Variants in RBFOX1 observed in about 807,000 individuals in gnomAD.
RBFOX1 encodes the protein RNA binding fox-1 homolog 1.
Under a neutral mutation model 57.7 loss-of-function variants are expected in RBFOX1, and 8 were observed. The observed-to-expected ratio is 0.14, with a 90% CI of 0.08 to 0.25. RBFOX1 has a LOEUF of 0.25. Among genes scored for constraint, RBFOX1 ranks in the 10% least tolerant of loss-of-function variants. The pLI is 1.00. For synonymous variants in RBFOX1, 326 were observed against 222.4 expected, an observed-to-expected ratio of 1.47 and a Z score of -4.15; for missense variants, 611 against 548.5, an observed-to-expected ratio of 1.11 and a Z score of -1.14.
chr16:6,647,097 A>G (rs1372447676), intron 2 of RBFOX1, among the ~76,000 whole-genome samples: 1 of 152,006 alleles, frequency 6.6e-6, no homozygotes, highest in Non-Finnish European at 1.5e-5. Context: ...TCAGGTTCTG[A>G]TGAGCACCCT....
rs374144521 is a variant in RBFOX1, at chr16:5,348,575, C to G, written c.219+108470C>G. On this transcript the variant is annotated intron_variant, in intron 1 of 2. Transcript: ENST00000585867. ...AACCTAGGTTGGCTACCCCATCATA[C>G]TTGCTCTTAACCCCCCATTATTTCA... Among the ~76,000 whole-genome samples the G allele has an allele frequency of 1.1e-4, 16 of 152,268 alleles. No homozygotes were observed. In the East Asian group the frequency reaches 2.3e-3, roughly 22 times the overall value.
At chr16:6,870,734 C>G (rs890222543) in intron 3 of RBFOX1, among the ~76,000 whole-genome samples, 4 of 152,144 alleles carry the variant, frequency 2.6e-5, no homozygotes, top group African/African-American at 7.2e-5. Context: ...TATTTCACCA[C>G]CAAAACTCCT....
chr16:6,378,007 G>T (rs533689642), intron 2 of RBFOX1, among the ~76,000 whole-genome samples: 20 of 152,290 alleles, frequency 1.3e-4, no homozygotes, highest in East Asian at 5.8e-4. Flanking sequence ...TCCAAACGAG[G>T]TGATCTAGTG....
intron 1 of RBFOX1, among the ~76,000 whole-genome samples, chr16:6,070,732 G>A (rs968146024): frequency 6.6e-6 from 1 of 151,634 alleles, no homozygotes; most frequent in Non-Finnish European, 1.5e-5. Flanking sequence ...CTTTATCATT[G>A]CAATTCATAA....
chr16:5,537,051 G>A (rs575576578), intron 2 of RBFOX1, among the ~76,000 whole-genome samples: 1 of 152,218 alleles, frequency 6.6e-6, no homozygotes, highest in South Asian at 2.1e-4. Context: ...TTCCTTTTGA[G>A]TACTCACTGG....
chr16:7,162,782 A>G (rs2078641268), intron 4 of RBFOX1, among the ~76,000 whole-genome samples: 1 of 152,154 alleles, frequency 6.6e-6, no homozygotes, highest in Non-Finnish European at 1.5e-5. Flanking sequence ...GGCAAATTGA[A>G]AACAGCTCTC....
At chr16:6,525,995 C>G (rs527752941) in intron 2 of RBFOX1, among the ~76,000 whole-genome samples, 2 of 152,206 alleles carry the variant, frequency 1.3e-5, no homozygotes, top group African/African-American at 2.4e-5. Context: ...AAAATGACCC[C>G]AAGATATCCA....
chr16:5,292,834 A>T (rs2063568557), intron 1 of RBFOX1, among the ~76,000 whole-genome samples: 1 of 152,040 alleles, frequency 6.6e-6, no homozygotes, highest in Non-Finnish European at 1.5e-5. Flanking sequence ...CATGTTAGCC[A>T]GGATGGTCTT....
At chr16:7,157,203 G>A (rs1374794624) in intron 4 of RBFOX1, among the ~76,000 whole-genome samples, 1 of 152,216 alleles carries the variant, frequency 6.6e-6, no homozygotes, top group Non-Finnish European at 1.5e-5. Context: ...AGGCTGGAAA[G>A]CCTCTCCTTG....
intron 2 of RBFOX1, among the ~76,000 whole-genome samples, chr16:6,539,429 T>G (rs559703652): frequency 1.3e-5 from 2 of 152,290 alleles, no homozygotes; most frequent in South Asian, 4.1e-4. Flanking sequence ...ATTGTATTAT[T>G]ATCATGGTTA....
intron 2 of RBFOX1, among the ~76,000 whole-genome samples, chr16:5,547,545 TA>T (rs1396295163): frequency 7.9e-5 from 12 of 152,294 alleles, no homozygotes; most frequent in African/African-American, 2.9e-4. Context: ...ATATGAATTC[TA>T]AAAAATGCAA....
intron 3 of RBFOX1, among the ~76,000 whole-genome samples, chr16:6,834,477 G>A (rs569496415): frequency 4.0e-5 from 6 of 150,880 alleles, no homozygotes; most frequent in Non-Finnish European, 8.8e-5. Flanking sequence ...GCCTGGTACA[G>A]AGAAAGTACT....
At chr16:5,634,994 T>G (rs757918437) in intron 3 of RBFOX1, among the ~76,000 whole-genome samples, 1 of 152,154 alleles carries the variant, frequency 6.6e-6, no homozygotes, top group Non-Finnish European at 1.5e-5. Flanking sequence ...CCATGATTGG[T>G]CAAGACTGGG....
chr16:7,080,028 A>G (rs1242671145), intron 4 of RBFOX1, among the ~76,000 whole-genome samples: 1 of 109,588 alleles, frequency 9.1e-6, no homozygotes, highest in Non-Finnish European at 1.9e-5. Flanking sequence ...ATATACGTAT[A>G]TATGTATATA....
chr16:5,331,451 A>G lies in RBFOX1; in HGVS notation c.219+91346A>G, dbSNP rs1222022495. Among the ~76,000 whole-genome samples, 4 of 152,220 alleles carry G rather than the reference A, an allele frequency of 2.6e-5. No individual in the cohort carries two copies. The East Asian group carries it at 7.7e-4, about 29-fold the overall frequency. ...GTCAGGTGGAGGCAGAAGGATTTAGATGGGGCTTGGCTGGGTGGTTTGTTT... is the reference window on the plus strand; with the variant it reads ...GTCAGGTGGAGGCAGAAGGATTTAGGTGGGGCTTGGCTGGGTGGTTTGTTT... On this transcript the variant is annotated intron_variant, in intron 1 of 2. Coordinates refer to the RBFOX1 transcript ENST00000585867.
intron 1 of RBFOX1, among the ~76,000 whole-genome samples, chr16:5,323,122 A>G (rs2064460199): frequency 6.6e-6 from 1 of 152,220 alleles, no homozygotes. Flanking sequence ...AAGTGATTTA[A>G]TGCTTTGAAA....
chr16:5,459,196 A>C (rs762168757), intron 1 of RBFOX1, among the ~76,000 whole-genome samples: 1 of 152,166 alleles, frequency 6.6e-6, no homozygotes, highest in Admixed American at 6.5e-5. Context: ...CCACATGTGG[A>C]CATGCATTGG....
chr16:7,447,197 C>T lies in RBFOX1; in HGVS notation c.28-70950C>T, dbSNP rs535010509. On this transcript the variant is annotated intron_variant, in intron 4 of 15. Coordinates refer to ENST00000550418, the MANE Select transcript of RBFOX1 (RefSeq NM_018723.4). ...GAAAAACATTCACACTTTGGGAGGC[C>T]AAGGCTGGCAGATTAATTGAGGTCA... is the stretch of plus-strand genomic sequence containing the variant. 2.6e-5 allele frequency among the ~76,000 whole-genome samples: 4 copies of T among 151,812 alleles called. No individual in the cohort carries two copies. The South Asian group carries it at 8.3e-4, about 32-fold the overall frequency.
chr16:7,041,369 C>T (rs75361022), intron 3 of RBFOX1, among the ~76,000 whole-genome samples: 14,307 of 152,054 alleles, frequency 0.094, 1,090 homozygotes, highest in East Asian at 0.32. Context: ...AAGGGCAATG[C>T]ATTTCCTATT....
Sources: gnomAD v4.1 joint callset for allele counts (sites outside exome capture counted in the v4.1 genomes callset) on GRCh38, gnomAD v4.1.1 for gene constraint, MANE v1.5 for transcripts, NCBI Gene and HGNC (gene_info 2026-07-23, HGNC 2026-07-21) for gene names.